Variants in EPHA5 observed in about 807,000 individuals in gnomAD.
The protein encoded by EPHA5 is ephrin type-A receptor 5.
Under a neutral mutation model 105.0 loss-of-function variants are expected in EPHA5, and 60 were observed. The observed-to-expected ratio is 0.57, with a 90% CI of 0.46 to 0.71. The LOEUF (loss-of-function observed/expected upper bound fraction) is 0.71. Among genes scored for constraint, EPHA5 ranks in the 30% least tolerant of loss-of-function variants. EPHA5 has a pLI of 0.00. For missense variants in EPHA5, 1,218 were observed against 1,274.7 expected (o/e 0.96, Z 0.68); for synonymous variants, 513 against 449.1 (o/e 1.14, Z -1.80).
At chr4:65,384,529 C>G (rs1484597978) in intron 8 of EPHA5, among the ~76,000 whole-genome samples, 1 of 151,830 alleles carries the variant, frequency 6.6e-6, no homozygotes, top group African/African-American at 2.4e-5. Flanking sequence ...CCATTTCCAG[C>G]TTCAATATGC....
chr4:65,619,743 T>G (rs1745548119), intron 2 of EPHA5, among the ~76,000 whole-genome samples: 1 of 151,932 alleles, frequency 6.6e-6, no homozygotes, highest in Non-Finnish European at 1.5e-5. Flanking sequence ...TTCCTAAGTA[T>G]CTATGTGCAC....
chr4:65,558,714 C>T (rs1204228498), intron 3 of EPHA5, among the ~76,000 whole-genome samples: 1 of 151,992 alleles, frequency 6.6e-6, no homozygotes, highest in South Asian at 2.1e-4. Context: ...ACAACAGGCC[C>T]TGGTGTGTGA....
At chr4:65,396,120 T>C (rs1229916276) in intron 8 of EPHA5, among the ~76,000 whole-genome samples, 2 of 152,210 alleles carry the variant, frequency 1.3e-5, no homozygotes, top group Non-Finnish European at 2.9e-5. Context: ...CTGCTCCTGC[T>C]GCCTGGCCTC....
chr4:65,414,477 C>A, intron 6 of EPHA5, 34 bp from the exon 7 acceptor site: 3 of 1,604,638 alleles, frequency 1.9e-6, no homozygotes, highest in Non-Finnish European at 2.6e-6. Context: ...ATAAAAAAGA[C>A]AGCATATAAA....
chr4:65,419,325 G>A (rs913765989), intron 6 of EPHA5, among the ~76,000 whole-genome samples: 1 of 151,972 alleles, frequency 6.6e-6, no homozygotes. Flanking sequence ...CCCTAGCTTG[G>A]GCAAGTTCTT....
At chr4:65,369,277 G>T (rs1718225586) in intron 8 of EPHA5, among the ~76,000 whole-genome samples, 1 of 152,106 alleles carries the variant, frequency 6.6e-6, no homozygotes, top group Non-Finnish European at 1.5e-5. Context: ...ATGATTAAGT[G>T]TACAACATTA....
intron 5 of EPHA5, among the ~76,000 whole-genome samples, chr4:65,423,793 C>G (rs1724161424): frequency 6.6e-6 from 1 of 151,426 alleles, no homozygotes; most frequent in African/African-American, 2.4e-5. Flanking sequence ...GCACTGGTTT[C>G]ATTTATTAGA....
intron 2 of EPHA5, among the ~76,000 whole-genome samples, chr4:65,641,950 T>C (rs1376220826): frequency 6.6e-6 from 1 of 152,120 alleles, no homozygotes; most frequent in Non-Finnish European, 1.5e-5. Flanking sequence ...ATAGAAATCA[T>C]GTATAAAATT....
intron 8 of EPHA5, among the ~76,000 whole-genome samples, chr4:65,384,535 T>G (rs1344584608): frequency 6.6e-6 from 1 of 151,856 alleles, no homozygotes; most frequent in East Asian, 1.9e-4. Flanking sequence ...CCAGCTTCAA[T>G]ATGCCAACAA....
At chr4:65,615,360 TA>T (rs1387205818) in intron 2 of EPHA5, among the ~76,000 whole-genome samples, 1 of 151,832 alleles carries the variant, frequency 6.6e-6, no homozygotes. Context: ...TTGAACATGA[TA>T]AAAGCTAAAA....
At chr4:65,556,612 A>G (rs1261934674) in intron 3 of EPHA5, among the ~76,000 whole-genome samples, 1 of 152,196 alleles carries the variant, frequency 6.6e-6, no homozygotes, top group Non-Finnish European at 1.5e-5. Context: ...GAACAATTTC[A>G]TATAATTTAG....
chr4:65,448,637 G>C (rs1269396647), intron 5 of EPHA5, among the ~76,000 whole-genome samples: 1 of 152,090 alleles, frequency 6.6e-6, no homozygotes, highest in Non-Finnish European at 1.5e-5. Flanking sequence ...GACAGAGCCA[G>C]ACTCCATCTC....
Position 65,353,053 on chromosome 4 carries a change from T to A in EPHA5, c.2224A>T (p.Thr742Ser), listed in dbSNP as rs1186126158. Residue 742 changes from threonine (T) to serine (S), a missense_variant, in exon 12 of 17, where the codon ACA (threonine) becomes TCA (serine). This residue lies in a region of EPHA5 where 971 missense variants were observed against 1,013.5 expected (regional missense o/e 0.96). Coordinates refer to ENST00000613740, the MANE Select transcript of EPHA5 (RefSeq NM_001281766.3). ...TEYMENGSLDTFLKKNDGQFT... is the reference protein window; with the variant it reads ...TEYMENGSLDSFLKKNDGQFT... ...TTCCCCAATCCTACCTTCAAAAATG[T>A]ATCTAAAGAGCCATTCTCCATATAC... 6.4e-7 allele frequency: 1 copy of A among 1,552,738 alleles called. No individual in the cohort carries two copies. The highest frequency in any genetic ancestry group is 1.4e-5 in the African/African-American group (1 of 71,306).
At position 65,325,589 on chromosome 4, in the gene EPHA5, A is replaced by G. The variant is rs567273213; in HGVS notation, c.2946-1370T>C. 1.3e-5 allele frequency among the ~76,000 whole-genome samples: 2 copies of G among 151,482 alleles called. 1 individual carries two copies. The highest frequency in any genetic ancestry group is 4.1e-4 in the South Asian group (2 of 4,822). ...CACCAGATTGGAATATAAAAATAAT[A>G]ATAGCGGTAGAGAGAGCATGGAAGA... is the stretch of plus-strand genomic sequence containing the variant. On this transcript the variant is annotated intron_variant, in intron 16 of 16. Coordinates refer to ENST00000613740, the MANE Select transcript of EPHA5 (RefSeq NM_001281766.3).
intron 5 of EPHA5, among the ~76,000 whole-genome samples, chr4:65,439,937 C>A (rs1018599286): frequency 7.9e-5 from 12 of 152,186 alleles, no homozygotes; most frequent in Non-Finnish European, 1.3e-4. Flanking sequence ...TTGTAGCTAT[C>A]ATGTTAATTA....
rs998334094 is a variant in EPHA5, at chr4:65,578,374, T to C, written c.910+23267A>G. On this transcript the variant is annotated intron_variant, in intron 3 of 16. Coordinates refer to ENST00000613740, the MANE Select transcript of EPHA5 (RefSeq NM_001281766.3). ...TCGTTTTCTTCTATGGAAAGGTCAGTAACAGACACTGTGGGTGGAGGAAAA... is the reference window on the plus strand; with the variant it reads ...TCGTTTTCTTCTATGGAAAGGTCAGCAACAGACACTGTGGGTGGAGGAAAA... Among the ~76,000 whole-genome samples, 9 of 152,272 alleles carry C rather than the reference T, an allele frequency of 5.9e-5. No homozygotes were observed. The South Asian group carries it at 1.9e-3, about 32-fold the overall frequency.
rs974827388 is a variant in EPHA5 at position 65,324,239 on chromosome 4, A to G, written c.2946-20T>C. 1 of 1,536,408 alleles carries G rather than the reference A, an allele frequency of 6.5e-7. No individual in the cohort carries two copies. The highest frequency in any genetic ancestry group is 1.7e-5 in the Admixed American group (1 of 58,698). The stretch of plus-strand genomic sequence containing the variant: ...AAATCCCTGCATGAAGAAAGCACAC[A>G]TTGGATGTATTGATTCAATTTGTAG... On this transcript the variant is annotated intron_variant, in intron 16 of 16. Coordinates refer to ENST00000613740, the MANE Select transcript of EPHA5 (RefSeq NM_001281766.3).
chr4:65,395,941 C>G (rs749096079), intron 8 of EPHA5, among the ~76,000 whole-genome samples: 12 of 152,282 alleles, frequency 7.9e-5, no homozygotes, highest in Non-Finnish European at 1.3e-4. Context: ...CTCTATGGAG[C>G]CAGCAGAAGA....
chr4:65,352,552 G>A (rs28564173), intron 12 of EPHA5, among the ~76,000 whole-genome samples: 2,263 of 152,038 alleles, frequency 0.015, 59 homozygotes, highest in African/African-American at 0.052. Flanking sequence ...ATTACCACGT[G>A]AACTCTGCTG....
Sources: gnomAD v4.1 joint callset for allele counts (sites outside exome capture counted in the v4.1 genomes callset) on GRCh38, gnomAD v4.1.1 for gene constraint, gnomAD v4.1.1 regional missense constraint, MANE v1.5 for transcripts, NCBI Gene and HGNC (gene_info 2026-07-23, HGNC 2026-07-21) for gene names.